BCL11A: variants seen among roughly 807,000 people sequenced by gnomAD.
BCL11A encodes BCL11 transcription factor A, also known as B cell CLL/lymphoma 11A.
Under a neutral mutation model 55.9 loss-of-function variants are expected in BCL11A, and 2 were observed. The ratio of observed to expected loss-of-function variants is 0.04; its 90% CI spans 0.01 to 0.11. The LOEUF (loss-of-function observed/expected upper bound fraction) is 0.11, where lower values mean the gene tolerates loss of function less well. Ranked by LOEUF, BCL11A falls within the 10% of genes least tolerant of loss-of-function variation. BCL11A has a pLI of 1.00. For synonymous variants in BCL11A, 465 were observed against 473.4 expected, an observed-to-expected ratio of 0.98 and a Z score of 0.23; for missense variants, 817 against 1,137.1, an observed-to-expected ratio of 0.72 and a Z score of 4.05.
chr2:60,460,196 AG>A lies in BCL11A; in HGVS notation c.*207del. 7.7e-7 allele frequency: 1 copy of A among 1,302,604 alleles called. No homozygotes were observed. The highest frequency in any genetic ancestry group is 1.5e-5 in the African/African-American group (1 of 66,030). 80.7% of individuals were successfully genotyped at this position (1,302,604 alleles called of 1,614,324 possible). ...AAAAAAAAAAAAGGAAAAAGAAAAA[AG>A]AAAAAGAAAAAGAAAAAAAACAGGT... On this transcript the variant is annotated 3_prime_UTR_variant, in exon 4 of 4. Transcript: ENST00000642384.
rs571336193 is a variant in BCL11A at position 60,496,263 on chromosome 2, G to A, written c.386-27430C>T. Among the ~76,000 whole-genome samples the A allele has an allele frequency of 1.5e-4, 23 of 152,302 alleles. 1 individual carries two copies. In the South Asian group the frequency reaches 3.5e-3, roughly 23 times the overall value. ...ACGTTTACAGAATGCCTTGTCCCACGAGGCAACACAGGCTACCACAGATGG... is the reference window on the plus strand; with the variant it reads ...ACGTTTACAGAATGCCTTGTCCCACAAGGCAACACAGGCTACCACAGATGG... On this transcript the variant is annotated intron_variant, in intron 2 of 3. Transcript: ENST00000642384.
chr2:60,488,631 A>C (rs1205010644), intron 2 of BCL11A, among the ~76,000 whole-genome samples: 3 of 152,330 alleles, frequency 2.0e-5, no homozygotes, highest in African/African-American at 4.8e-5. Flanking sequence ...AATTCGGTAA[A>C]ACTTTCTAGT....
Position 60,461,848 on chromosome 2 carries a change from A to G in BCL11A, c.1064T>C (p.Leu355Pro). The G allele has an allele frequency of 6.2e-7, 1 of 1,613,736 alleles. No homozygotes were observed. Among genetic ancestry groups the G allele is most frequent in the Non-Finnish European group, 8.5e-7 (1 of 1,179,732 alleles). Residue 355 changes from leucine (L) to proline (P), a missense_variant, in exon 4 of 4, where the codon CTG becomes CCG. This residue lies in a region of BCL11A where 363 missense variants were observed against 486.6 expected (regional missense o/e 0.75). Transcript: ENST00000642384. ...PFQPGSKPPF[L>P]ATPPLPPLQS... ...CAGAGGAGGGAGGGGGGGCGTCGCCAGGAAGGGCGGCTTGCTACCTGGCTG... is the reference window on the plus strand; with the variant it reads ...CAGAGGAGGGAGGGGGGGCGTCGCCGGGAAGGGCGGCTTGCTACCTGGCTG...
intron 2 of BCL11A, among the ~76,000 whole-genome samples, chr2:60,502,773 C>T (rs144553806): frequency 1.3e-5 from 2 of 152,304 alleles, no homozygotes; most frequent in Non-Finnish European, 2.9e-5. Flanking sequence ...AGAAAGAGCA[C>T]TCAATTGGTG....
In BCL11A at chr2:60,461,559, G is replaced by T; in HGVS notation, c.1353C>A (p.Gly451=). The part of the protein sequence containing the change: ...GLSTASSPEP[G]TSDLVGSASS... ...TGGCGCTGCCCACCAAGTCGCTGGTGCCGGGTTCCGGGGAGCTGGCGGTGG... is the reference window on the plus strand; with the variant it reads ...TGGCGCTGCCCACCAAGTCGCTGGTTCCGGGTTCCGGGGAGCTGGCGGTGG... The change falls in exon 4 of 4, where the codon GGC becomes GGA. Residue 451 remains glycine, a synonymous_variant. Transcript: ENST00000642384. 6.2e-7 allele frequency: 1 copy of T among 1,611,606 alleles called. No homozygotes were observed.
chr2:60,476,137 C>A (rs937473389), intron 2 of BCL11A, among the ~76,000 whole-genome samples: 1 of 152,170 alleles, frequency 6.6e-6, no homozygotes, highest in Non-Finnish European at 1.5e-5. Context: ...CCCCTCATGA[C>A]CTTGACCTGG....
intron 2 of BCL11A, chr2:60,522,128 T>G (rs1669023000): frequency 6.6e-6 from 1 of 152,262 alleles, no homozygotes; most frequent in Non-Finnish European, 1.5e-5. Context: ...TGGAAAAATC[T>G]CAAATACTAC....
chr2:60,458,601 G>T lies in BCL11A; in HGVS notation c.*1803C>A, dbSNP rs1676058577. 3 of 849,786 alleles carry T rather than the reference G, an allele frequency of 3.5e-6. No individual in the cohort carries two copies. Among genetic ancestry groups the T allele is most frequent in the Non-Finnish European group, 1.4e-6 (1 of 699,422 alleles). The allele number at this position is 849,786 out of a possible 1,614,324, so 52.6% of individuals were successfully genotyped here. On this transcript the variant is annotated 3_prime_UTR_variant, in exon 4 of 4. Transcript: ENST00000642384. The stretch of plus-strand genomic sequence containing the variant: ...AATAGTCAAGTAAATGGCTGGCAAA[G>T]TTTTTTTTTTTTTAGTTTTTAAAAA...
At chr2:60,469,828 C>A (rs920303017) in intron 2 of BCL11A, among the ~76,000 whole-genome samples, 1 of 152,124 alleles carries the variant, frequency 6.6e-6, no homozygotes, top group East Asian at 1.9e-4. Context: ...TTGAGACAGA[C>A]TGGAGGATAG....
intron 2 of BCL11A, among the ~76,000 whole-genome samples, chr2:60,503,084 G>A (rs1295449731): frequency 6.6e-6 from 1 of 152,226 alleles, no homozygotes. Context: ...AAATGAAGGT[G>A]TCTGTGTGGA....
At chr2:60,528,691 A>G (rs1448422598) in intron 2 of BCL11A, among the ~76,000 whole-genome samples, 1 of 152,138 alleles carries the variant, frequency 6.6e-6, no homozygotes, top group East Asian at 1.9e-4. Flanking sequence ...GTGGACCCTC[A>G]GGGAAGTCAT....
At position 60,553,286 on chromosome 2, in the gene BCL11A, G is replaced by GGGCGGCGGCGGCGGC. The variant is rs748538213; in HGVS notation, c.-31_-17dup. 10 of 1,554,062 alleles carry GGGCGGCGGCGGCGGC rather than the reference G, an allele frequency of 6.4e-6. No homozygotes were observed. In the African/African-American group the frequency reaches 1.3e-4, roughly 20 times the overall value. On this transcript the variant is annotated 5_prime_UTR_variant, in exon 1 of 4. Transcript: ENST00000642384. ...GGCGAGACATGGTGGGCTGCGGGGCGGGCGGCGGCGGCGGCGGCGGCGGCG... is the reference window on the plus strand; with the variant it reads ...GGCGAGACATGGTGGGCTGCGGGGCGGGCGGCGGCGGCGGCGGCGGCGGCGGCGGCGGCGGCGGCG...
At chr2:60,453,357 A>C (rs962035095), downstream of BCL11A, among the ~76,000 whole-genome samples, 2 of 152,232 alleles carry the variant, frequency 1.3e-5, no homozygotes, top group Non-Finnish European at 2.9e-5. Context: ...GTGGACATTG[A>C]CTTGAAGCAG....
At chr2:60,506,708 C>G (rs543763894) in intron 2 of BCL11A, among the ~76,000 whole-genome samples, 2 of 152,370 alleles carry the variant, frequency 1.3e-5, no homozygotes, top group South Asian at 2.1e-4. Flanking sequence ...GACAGCCCCC[C>G]GCATGTTTCC....
At chr2:60,545,026 T>G (rs1670086221) in intron 2 of BCL11A, 2 of 152,188 alleles carry the variant, frequency 1.3e-5, no homozygotes, top group South Asian at 4.1e-4. Flanking sequence ...TGAATACGTG[T>G]GTGTATTTTT....
At position 60,553,321 on chromosome 2, in the gene BCL11A, C is replaced by T; in HGVS notation, c.-51G>A. The T allele has an allele frequency of 6.7e-7, 1 of 1,493,996 alleles. No homozygotes were observed. Among genetic ancestry groups the T allele is most frequent in the Non-Finnish European group, 8.9e-7 (1 of 1,118,540 alleles). The allele number at this position is 1,493,996 out of a possible 1,614,324, so 92.5% of individuals were successfully genotyped here. On this transcript the variant is annotated 5_prime_UTR_variant, in exon 1 of 4. Transcript: ENST00000642384. ...GGCGGCGGCGGCGGCGGCGGGCGGA[C>T]GACGGCTCGGTTCACATCGGGAGAG...
At chr2:60,486,157 C>A (rs1388243451) in intron 2 of BCL11A, among the ~76,000 whole-genome samples, 2 of 152,172 alleles carry the variant, frequency 1.3e-5, no homozygotes, top group African/African-American at 4.8e-5. Flanking sequence ...TGAACAGCTG[C>A]TGAAAGGCAA....
rs1473522553 is a variant in BCL11A at position 60,459,311 on chromosome 2, A to C, written c.*1093T>G. 2.0e-6 allele frequency: 2 copies of C among 1,016,366 alleles called. No individual in the cohort carries two copies. Among genetic ancestry groups the C allele is most frequent in the Non-Finnish European group, 2.4e-6 (2 of 847,220 alleles). The allele number at this position is 1,016,366 out of a possible 1,614,324, so 63.0% of individuals were successfully genotyped here. A position where few individuals can be genotyped will look rare whatever the true frequency, so the allele number is the denominator to read the frequency against. On this transcript the variant is annotated 3_prime_UTR_variant, in exon 4 of 4. Coordinates refer to ENST00000642384, the MANE Select transcript of BCL11A (RefSeq NM_022893.4). Reference sequence around the variant, plus strand: ...ACATTATTAAAGCAAATATCTTCATAAAATGAACTCCTTACTAGTGTATTT... The same window carrying C: ...ACATTATTAAAGCAAATATCTTCATCAAATGAACTCCTTACTAGTGTATTT...
At chr2:60,481,772 A>G (rs139766000) in intron 2 of BCL11A, among the ~76,000 whole-genome samples, 173 of 152,180 alleles carry the variant, frequency 1.1e-3, no homozygotes, top group Non-Finnish European at 2.0e-3. Flanking sequence ...TTCTAACAGA[A>G]CCCTAGTACA....
Sources: allele counts gnomAD v4.1 joint callset (sites outside exome capture counted in the v4.1 genomes callset), GRCh38; gene constraint gnomAD v4.1.1; regional missense constraint gnomAD v4.1.1; transcripts MANE v1.5; gene names NCBI Gene and HGNC (gene_info 2026-07-23, HGNC 2026-07-21).